Variants in SRBD1 observed in about 807,000 individuals in gnomAD.
SRBD1 encodes S1 RNA binding domain 1, also known as S1 RNA-binding domain-containing protein 1.
A neutral mutation model predicts 115.3 loss-of-function variants in SRBD1; 88 were observed. The observed-to-expected ratio is 0.76, with a 90% CI of 0.64 to 0.91. The LOEUF (loss-of-function observed/expected upper bound fraction) is 0.91. Ranked by LOEUF, SRBD1 falls within the 40% of genes least tolerant of loss-of-function variation. The probability of loss-of-function intolerance (pLI) is 0.00; values close to 1 mark genes in which losing one functional copy is unlikely to be tolerated. For synonymous variants in SRBD1, 509 were observed against 407.7 expected (o/e 1.25, Z -2.99); for missense variants, 1,385 against 1,177.4 (o/e 1.18, Z -2.58).
At chr2:45,544,232 C>CA (rs777800446) in intron 14 of SRBD1, among the ~76,000 whole-genome samples, 4,192 of 71,796 alleles carry the variant, frequency 0.058, 261 homozygotes, top group African/African-American at 0.16. Context: ...GACTCCGGCT[C>CA]AAAAAAAAAA....
At chr2:45,530,087 C>A (rs541488830) in intron 14 of SRBD1, among the ~76,000 whole-genome samples, 1 of 151,894 alleles carries the variant, frequency 6.6e-6, no homozygotes, top group African/African-American at 2.4e-5. Context: ...CTTATGTAGT[C>A]CTAGATTGAG....
chr2:45,542,274 T>C (rs1671967159), intron 14 of SRBD1, among the ~76,000 whole-genome samples: 1 of 152,228 alleles, frequency 6.6e-6, no homozygotes, highest in Non-Finnish European at 1.5e-5. Context: ...GCCACAACTT[T>C]GCTCTGTTCT....
rs1301713333 is a variant in SRBD1 at position 45,551,246 on chromosome 2, T to C, written c.1554A>G (p.Val518=). The C allele has an allele frequency of 6.2e-7, 1 of 1,608,620 alleles. No individual in the cohort carries two copies. The highest frequency in any genetic ancestry group is 2.2e-5 in the East Asian group (1 of 44,702). Residue 518 remains valine, a synonymous_variant, in exon 12 of 21, where the codon GTA becomes GTG. Coordinates refer to ENST00000263736, the MANE Select transcript of SRBD1 (RefSeq NM_018079.5). ...GACGAAGGTTCCGTCCAAACATCAT[T>C]ACTGATTCCTTCTCTGCATCTGATG... ...KLTSDAEKES[V]MMFGRNLRQL...
rs748925968 is a variant in SRBD1 at position 45,599,477 on chromosome 2, T to C, written c.620A>G (p.Glu207Gly). 1 of 1,614,046 alleles carries C rather than the reference T, an allele frequency of 6.2e-7. No individual in the cohort carries two copies. The part of the protein sequence containing the change: ...FPANANSTKE[E>G]VEMNWDMVQV... ...TACCATGTCCCAATTCATTTCCACC[T>C]CCTCTTTAGTACTATTGGCATTTGC... Residue 207 changes from glutamate (E) to glycine (G), a missense_variant, in exon 4 of 21, where the codon GAG (glutamate) becomes GGG (glycine). By Grantham distance (98) the Glu-to-Gly change is moderately conservative. Coordinates refer to ENST00000263736, the MANE Select transcript of SRBD1 (RefSeq NM_018079.5).
In SRBD1 at chr2:45,511,240, T is replaced by C. The variant is rs922769381; in HGVS notation, c.1875-22909A>G. Among the ~76,000 whole-genome samples the C allele has an allele frequency of 7.2e-5, 11 of 152,358 alleles. 1 individual carries two copies. Among genetic ancestry groups the C allele is most frequent in the African/African-American group, 2.6e-4 (11 of 41,594 alleles). The stretch of plus-strand genomic sequence containing the variant: ...AGAAAAACATTTCCTGTTCACTTTG[T>C]TGTTTCGCCAAAGCTGCGTATCTTC... On this transcript the variant is annotated intron_variant, in intron 14 of 20. Coordinates refer to ENST00000263736, the MANE Select transcript of SRBD1 (RefSeq NM_018079.5).
At chr2:45,436,782 T>G (rs1380589706) in intron 16 of SRBD1, among the ~76,000 whole-genome samples, 1 of 152,094 alleles carries the variant, frequency 6.6e-6, no homozygotes, top group African/African-American at 2.4e-5. Context: ...ATGATGAGAT[T>G]TGGGTGGGGA....
At position 45,601,313 on chromosome 2, in the gene SRBD1, C is replaced by T. The variant is rs183725661; in HGVS notation, c.261+590G>A. ...TATTCAGATTAGGCTCCAAGGAGAACGAAATGCTGGCCATAAGAATTTCAA... is the reference window on the plus strand; with the variant it reads ...TATTCAGATTAGGCTCCAAGGAGAATGAAATGCTGGCCATAAGAATTTCAA... On this transcript the variant is annotated intron_variant, in intron 3 of 20. Coordinates refer to ENST00000263736, the MANE Select transcript of SRBD1 (RefSeq NM_018079.5). Among the ~76,000 whole-genome samples, 350 of 152,254 alleles carry T rather than the reference C, an allele frequency of 2.3e-3. 1 individual carries two copies. The highest frequency in any genetic ancestry group is 3.5e-3 in the Non-Finnish European group (241 of 68,012).
At chr2:45,564,906 T>G (rs1006032189) in intron 9 of SRBD1, among the ~76,000 whole-genome samples, 2 of 152,216 alleles carry the variant, frequency 1.3e-5, no homozygotes, top group African/African-American at 4.8e-5. Context: ...GCAGGGATCC[T>G]GGAATCAATC....
chr2:45,468,474 A>T (rs1371435254), intron 16 of SRBD1, among the ~76,000 whole-genome samples: 1 of 149,092 alleles, frequency 6.7e-6, no homozygotes, highest in Non-Finnish European at 1.5e-5. Context: ...TGCAGCCTTT[A>T]TCTTCCGGGC....
intron 14 of SRBD1, among the ~76,000 whole-genome samples, chr2:45,509,459 G>A (rs568175738): frequency 2.0e-4 from 30 of 151,984 alleles, no homozygotes; most frequent in Admixed American, 3.3e-4. Flanking sequence ...AGCCGGGCGC[G>A]GTGGTGGGCG....
At chr2:45,405,531 C>G (rs758718093) in intron 19 of SRBD1, among the ~76,000 whole-genome samples, 15 of 152,082 alleles carry the variant, frequency 9.9e-5, no homozygotes, top group Non-Finnish European at 1.8e-4. Context: ...GATGTTAAGA[C>G]ATAGGATTTG....
intron 17 of SRBD1, among the ~76,000 whole-genome samples, 189 bp downstream of exon 17, chr2:45,419,599 T>A (rs1275178907): frequency 1.3e-5 from 2 of 152,260 alleles, no homozygotes; most frequent in Non-Finnish European, 2.9e-5. Flanking sequence ...TTAAAAATGA[T>A]AATGTGAATT....
intron 16 of SRBD1, among the ~76,000 whole-genome samples, chr2:45,449,207 T>C (rs1277955379): frequency 1.3e-5 from 2 of 152,174 alleles, no homozygotes; most frequent in African/African-American, 4.8e-5. Flanking sequence ...GCTTAAGACA[T>C]AATGCTCAAA....
At chr2:45,529,541 T>C (rs1385288273) in intron 14 of SRBD1, among the ~76,000 whole-genome samples, 4 of 151,826 alleles carry the variant, frequency 2.6e-5, no homozygotes, top group Admixed American at 6.6e-5. Context: ...CTGCACCCAA[T>C]AAAAATTTTA....
At chr2:45,555,266 T>A (rs1050467501) in intron 10 of SRBD1, among the ~76,000 whole-genome samples, 2 of 152,136 alleles carry the variant, frequency 1.3e-5, no homozygotes, top group Non-Finnish European at 1.5e-5. Context: ...GTGCCTGTAG[T>A]CCCTGCTACT....
At chr2:45,391,142 T>A (rs1446783091) in intron 20 of SRBD1, among the ~76,000 whole-genome samples, 2 of 152,166 alleles carry the variant, frequency 1.3e-5, no homozygotes, top group East Asian at 3.9e-4. Flanking sequence ...CTGTTTAGTT[T>A]AATCTTGCAA....
intron 12 of SRBD1, among the ~76,000 whole-genome samples, chr2:45,548,264 T>A (rs1672183554): frequency 6.6e-6 from 1 of 150,898 alleles, no homozygotes; most frequent in African/African-American, 2.4e-5. Context: ...CAGAAAAAAA[T>A]GCAACAGAAA....
intron 14 of SRBD1, among the ~76,000 whole-genome samples, chr2:45,521,398 A>G (rs562474035): frequency 6.6e-6 from 1 of 152,076 alleles, no homozygotes; most frequent in South Asian, 2.1e-4. Context: ...TAAGCACATT[A>G]AAAGATGTTC....
At chr2:45,504,603 T>C (rs917185082) in intron 14 of SRBD1, among the ~76,000 whole-genome samples, 1 of 152,228 alleles carries the variant, frequency 6.6e-6, no homozygotes. Context: ...TTTTTAAGCC[T>C]TCCTTTTTCA....
Sources: allele counts gnomAD v4.1 joint callset (sites outside exome capture counted in the v4.1 genomes callset), GRCh38; gene constraint gnomAD v4.1.1; transcripts MANE v1.5; gene names NCBI Gene and HGNC (gene_info 2026-07-23, HGNC 2026-07-21).